Variants in CNNM2 observed in about 807,000 individuals in gnomAD.
The protein encoded by CNNM2 is metal transporter CNNM2.
A neutral mutation model predicts 66.9 loss-of-function variants in CNNM2; 12 were observed. The ratio of observed to expected loss-of-function variants is 0.18; its 90% CI spans 0.11 to 0.29. The LOEUF is 0.29. CNNM2 is among the 10% of genes least tolerant of loss of function. The pLI is 1.00. For synonymous variants in CNNM2, 557 were observed against 501.8 expected (o/e 1.11, Z -1.47); for missense variants, 705 against 1,167.7 (o/e 0.60, Z 5.77).
At chr10:102,942,660 C>A (rs1172225474) in intron 1 of CNNM2, among the ~76,000 whole-genome samples, 3 of 152,130 alleles carry the variant, frequency 2.0e-5, no homozygotes, top group Admixed American at 2.0e-4. Context: ...GCTTTGAGTT[C>A]TTTTGGATAT....
At chr10:103,023,474 G>C (rs1008684265) in intron 1 of CNNM2, among the ~76,000 whole-genome samples, 4 of 152,228 alleles carry the variant, frequency 2.6e-5, no homozygotes, top group Middle Eastern at 3.4e-3. Flanking sequence ...CTTGAACCTG[G>C]GAGGCGGAGA....
chr10:103,068,818 C>T (rs2065524117), intron 5 of CNNM2, 96 bp downstream of exon 5: 6 of 961,354 alleles, frequency 6.2e-6, no homozygotes, highest in Admixed American at 2.8e-5. Context: ...CAGCTGACCC[C>T]ATTCACTTCC....
At chr10:102,966,625 C>G (rs938970824) in intron 1 of CNNM2, among the ~76,000 whole-genome samples, 1 of 152,152 alleles carries the variant, frequency 6.6e-6, no homozygotes, top group Non-Finnish European at 1.5e-5. Context: ...TGGACTCCAT[C>G]CCAACCTAAA....
intron 1 of CNNM2, among the ~76,000 whole-genome samples, chr10:102,924,583 C>T (rs964846018): frequency 1.3e-5 from 2 of 151,814 alleles, no homozygotes; most frequent in African/African-American, 4.8e-5. Context: ...TTTTTTCTCA[C>T]CAAATTAAGT....
chr10:102,979,255 T>C lies in CNNM2; in HGVS notation c.1621+59154T>C, dbSNP rs185288526. 1.3e-3 allele frequency among the ~76,000 whole-genome samples: 195 copies of C among 152,344 alleles called. 2 individuals are homozygous for C. Among genetic ancestry groups the C allele is most frequent in the African/African-American group, 4.3e-3 (178 of 41,580 alleles). ...GTGATCTTTTAAAATATTTGTTAAATCCTATTATTTGTTGTTTGAAAGCTT... is the reference window on the plus strand; with the variant it reads ...GTGATCTTTTAAAATATTTGTTAAACCCTATTATTTGTTGTTTGAAAGCTT... On this transcript the variant is annotated intron_variant, in intron 1 of 7. Transcript: ENST00000369878.
intron 4 of CNNM2, among the ~76,000 whole-genome samples, chr10:103,062,938 G>A (rs563669253): frequency 2.6e-5 from 4 of 152,314 alleles, no homozygotes; most frequent in East Asian, 3.9e-4. Flanking sequence ...AGTATGAAAC[G>A]AATGCTTCAG....
At chr10:103,015,626 G>A (rs558312925) in intron 1 of CNNM2, among the ~76,000 whole-genome samples, 1 of 152,208 alleles carries the variant, frequency 6.6e-6, no homozygotes, top group African/African-American at 2.4e-5. Context: ...GGCCAAGGAG[G>A]GTGGATCACT....
At chr10:103,042,006 C>T (rs1314393563) in intron 1 of CNNM2, among the ~76,000 whole-genome samples, 1 of 152,158 alleles carries the variant, frequency 6.6e-6, no homozygotes, top group Non-Finnish European at 1.5e-5. Context: ...GAATTCTGGA[C>T]TCTTGTATCT....
chr10:103,077,079 C>T lies in CNNM2; in HGVS notation c.2527C>T (p.His843Tyr). The T allele has an allele frequency of 6.2e-7, 1 of 1,613,990 alleles. No individual in the cohort carries two copies. Among genetic ancestry groups the T allele is most frequent in the Non-Finnish European group, 8.5e-7 (1 of 1,179,888 alleles). Residue 843 changes from histidine (H) to tyrosine (Y), a missense_variant, in exon 8 of 8, where the codon CAT becomes TAT. His to Tyr is a moderately conservative substitution (Grantham distance 83, BLOSUM62 2). Coordinates refer to ENST00000369878, the MANE Select transcript of CNNM2 (RefSeq NM_017649.5). ...TKIELTLTEL[H>Y]DGLPDETANL... ...AATCGAATTGACTCTTACGGAGCTG[C>T]ATGACGGGTTGCCAGACGAGACAGC...
intron 1 of CNNM2, among the ~76,000 whole-genome samples, chr10:102,965,782 A>C (rs978357689): frequency 2.6e-5 from 4 of 152,224 alleles, no homozygotes; most frequent in African/African-American, 7.2e-5. Context: ...AAAGCAGATA[A>C]TTTTCCTAAG....
chr10:102,976,611 A>ATTTTTTTT lies in CNNM2; in HGVS notation c.1621+56531_1621+56538dup, dbSNP rs66498944. ...CAGGTGTGCGCCACACGCCCAGGTA[A>ATTTTTTTT]TTTTTTTTTTTTTTTTTTTTTTTTT... On this transcript the variant is annotated intron_variant, in intron 1 of 7. Coordinates refer to ENST00000369878, the MANE Select transcript of CNNM2 (RefSeq NM_017649.5). Among the ~76,000 whole-genome samples, 399 of 59,402 alleles carry ATTTTTTTT rather than the reference A, an allele frequency of 6.7e-3. 18 individuals carry two copies. The highest frequency in any genetic ancestry group is 8.7e-3 in the Non-Finnish European group (286 of 32,912). 39.0% of individuals were successfully genotyped at this position (59,402 alleles called of 152,430 possible).
At chr10:102,939,982 C>CA (rs960840466) in intron 1 of CNNM2, among the ~76,000 whole-genome samples, 2 of 133,844 alleles carry the variant, frequency 1.5e-5, no homozygotes, top group Non-Finnish European at 3.3e-5. Context: ...AACAAACAAA[C>CA]AACAACAACA....
Position 103,088,129 on chromosome 10 carries a change from T to C in CNNM2, c.*10949T>C, listed in dbSNP as rs955838123. On this transcript the variant is annotated 3_prime_UTR_variant, in exon 8 of 8. Transcript: ENST00000369878. ...TGAAGACCAATAGCTATTACAGTTG[T>C]ACTACAGAATAGGTCAAAGTCACCG... The C allele has an allele frequency of 2.0e-5, 3 of 152,216 alleles. No homozygotes were observed. Among genetic ancestry groups the C allele is most frequent in the African/African-American group, 4.8e-5 (2 of 41,460 alleles). 9.4% of individuals were successfully genotyped at this position (152,216 alleles called of 1,614,324 possible).
At chr10:103,032,661 CT>C (rs11300982) in intron 1 of CNNM2, among the ~76,000 whole-genome samples, 48,708 of 120,240 alleles carry the variant, frequency 0.41, 9,323 homozygotes, top group African/African-American at 0.51. Context: ...TGATGTAGCT[CT>C]TTTTTTTTTT....
At chr10:102,957,749 G>T (rs1368499351) in intron 1 of CNNM2, among the ~76,000 whole-genome samples, 1 of 152,112 alleles carries the variant, frequency 6.6e-6, no homozygotes, top group East Asian at 1.9e-4. Context: ...TAATTTTGAT[G>T]CAGTTTAACA....
intron 1 of CNNM2, among the ~76,000 whole-genome samples, chr10:103,026,139 C>T (rs1302172480): frequency 6.6e-6 from 1 of 152,220 alleles, no homozygotes; most frequent in Non-Finnish European, 1.5e-5. Flanking sequence ...ACTTCCCAGC[C>T]TCCAAACTGT....
In CNNM2 at chr10:103,089,584, C is replaced by T. The variant is rs557101184; in HGVS notation, c.*12404C>T. ...CTTTCATGGAGCCCCCTCCCTCCCC[C>T]GAGTAGAACCCTAACAGGGACCTCG... On this transcript the variant is annotated 3_prime_UTR_variant, in exon 8 of 8. Transcript: ENST00000369878. The T allele has an allele frequency of 4.5e-4, 653 of 1,442,004 alleles. 3 individuals carry two copies. Among genetic ancestry groups the T allele is most frequent in the Non-Finnish European group, 5.7e-4 (620 of 1,095,898 alleles). The allele number at this position is 1,442,004 out of a possible 1,614,324, so 89.3% of individuals were successfully genotyped here. A position where few individuals can be genotyped will look rare whatever the true frequency, so the allele number is the denominator to read the frequency against.
chr10:103,056,365 G>T (rs2065296722), intron 3 of CNNM2, among the ~76,000 whole-genome samples: 1 of 152,094 alleles, frequency 6.6e-6, no homozygotes, highest in African/African-American at 2.4e-5. Flanking sequence ...GTGGGAGAGG[G>T]AGACGTGGGG....
chr10:102,966,856 T>C (rs2063471932), intron 1 of CNNM2, among the ~76,000 whole-genome samples: 1 of 152,074 alleles, frequency 6.6e-6, no homozygotes, highest in Admixed American at 6.6e-5. Flanking sequence ...TGCAGTCTCC[T>C]TGGGAGTGAG....
Sources: allele counts gnomAD v4.1 joint callset (sites outside exome capture counted in the v4.1 genomes callset), GRCh38; gene constraint gnomAD v4.1.1; transcripts MANE v1.5; gene names NCBI Gene and HGNC (gene_info 2026-07-23, HGNC 2026-07-21).